The following HS6ST2 variants were observed in gnomAD, a reference collection of about 807,000 sequenced individuals.
The protein encoded by HS6ST2 is heparan-sulfate 6-O-sulfotransferase 2.
In HS6ST2, 17 loss-of-function variants were observed where a neutral mutation model predicts 33.0. The ratio of observed to expected loss-of-function variants is 0.52; its 90% CI spans 0.35 to 0.77. HS6ST2 has a LOEUF of 0.77. HS6ST2 is among the 30% of genes least tolerant of loss of function. The pLI, the probability that HS6ST2 is intolerant of heterozygous loss-of-function variation, is 0.01. For missense variants in HS6ST2, 519 were observed against 551.7 expected (o/e 0.94, Z 0.59); for synonymous variants, 248 against 237.1 (o/e 1.05, Z -0.42).
At chrX:132,805,255 C>G (rs187237640) in intron 2 of HS6ST2, among the ~76,000 whole-genome samples, 2 of 111,732 alleles carry the variant, frequency 1.8e-5, no homozygotes, top group Admixed American at 1.9e-4. Context: ...TCTGGTGGTA[C>G]GCAGAAGTAC....
At position 132,658,317 on chromosome X, in the gene HS6ST2, C is replaced by T. The variant is rs1008337670; in HGVS notation, c.1067+10796G>A. Among the ~76,000 whole-genome samples the T allele has an allele frequency of 6.3e-5, 7 of 111,701 alleles. 1 individual carries two copies. Among genetic ancestry groups the T allele is most frequent in the South Asian group, 3.8e-4 (1 of 2,635 alleles). ...AATAATGCATGCATTTAAAGCACTC[C>T]GAACAGGGCCTGGTGCATAGGAAGC... is the stretch of plus-strand genomic sequence containing the variant. On this transcript the variant is annotated intron_variant, in intron 4 of 4. Coordinates refer to ENST00000370833, the MANE Select transcript of HS6ST2 (RefSeq NM_001394073.1).
intron 2 of HS6ST2, among the ~76,000 whole-genome samples, chrX:132,768,107 C>T (rs1328283546): frequency 9.0e-6 from 1 of 110,535 alleles, no homozygotes; most frequent in Non-Finnish European, 1.9e-5. Flanking sequence ...GAGGCTGAGG[C>T]AGGCAGATCA....
chrX:132,662,528 G>A (rs1299351276), intron 4 of HS6ST2, among the ~76,000 whole-genome samples: 2 of 112,075 alleles, frequency 1.8e-5, no homozygotes, highest in African/African-American at 6.5e-5. Context: ...GCAGCACATT[G>A]CCTCCCTGAT....
intron 2 of HS6ST2, among the ~76,000 whole-genome samples, chrX:132,807,271 C>T: frequency 9.1e-6 from 1 of 110,246 alleles, no homozygotes; most frequent in Non-Finnish European, 1.9e-5. Context: ...ACAGTGGCTC[C>T]AAATAAAAAT....
chrX:132,882,317 G>C (rs1177136927), intron 2 of HS6ST2, among the ~76,000 whole-genome samples: 1 of 110,545 alleles, frequency 9.0e-6, no homozygotes, highest in Non-Finnish European at 1.9e-5. Context: ...GTGGTTTGTA[G>C]TTCTCCTTGA....
At chrX:132,738,622 G>A (rs978592303) in intron 2 of HS6ST2, among the ~76,000 whole-genome samples, 3 of 112,495 alleles carry the variant, frequency 2.7e-5, no homozygotes, top group African/African-American at 9.7e-5. Context: ...GCTATTTTAT[G>A]CCTTATTGAA....
intron 2 of HS6ST2, among the ~76,000 whole-genome samples, chrX:132,756,161 C>T (rs2064754789): frequency 8.9e-6 from 1 of 112,094 alleles, no homozygotes; most frequent in Non-Finnish European, 1.9e-5. Context: ...AAAACATACT[C>T]CAAAATGATC....
chrX:132,659,348 G>C (rs1388372806), intron 4 of HS6ST2, among the ~76,000 whole-genome samples: 1 of 111,568 alleles, frequency 9.0e-6, no homozygotes, highest in Non-Finnish European at 1.9e-5. Flanking sequence ...TTTTGTAATG[G>C]AGTAATAGCT....
rs768791326 is a variant in HS6ST2 at position 132,771,910 on chromosome X, T to A, written c.948-63416A>T. Among the ~76,000 whole-genome samples, 4 of 112,099 alleles carry A rather than the reference T, an allele frequency of 3.6e-5. No homozygotes were observed. The East Asian group carries it at 1.1e-3, about 31-fold the overall frequency. ...CATTTTGATCTCCTCTTTGATGTGA[T>A]GTATCAATCAATTTTCTTTTCTCCT... is the stretch of plus-strand genomic sequence containing the variant. On this transcript the variant is annotated intron_variant, in intron 2 of 4. Coordinates refer to ENST00000370833, the MANE Select transcript of HS6ST2 (RefSeq NM_001394073.1).
At chrX:132,821,297 C>T (rs1010334583) in intron 2 of HS6ST2, among the ~76,000 whole-genome samples, 23 of 103,943 alleles carry the variant, frequency 2.2e-4, no homozygotes, top group Non-Finnish European at 3.9e-4. Context: ...ACTGCAAGTT[C>T]CACCTCCCGG....
chrX:132,839,335 T>C (rs5977767), intron 2 of HS6ST2, among the ~76,000 whole-genome samples: 1 of 97,100 alleles, frequency 1.0e-5, no homozygotes, highest in Non-Finnish European at 2.0e-5. Flanking sequence ...TGTATGTATA[T>C]ACACACACAC....
chrX:132,896,298 G>A (rs2066374850), intron 2 of HS6ST2, among the ~76,000 whole-genome samples: 2 of 110,282 alleles, frequency 1.8e-5, no homozygotes, highest in Admixed American at 9.7e-5. Context: ...GTAAAACCTC[G>A]TCTCTACTAA....
intron 3 of HS6ST2, among the ~76,000 whole-genome samples, chrX:132,670,585 G>C (rs1042878572): frequency 3.6e-5 from 4 of 111,689 alleles, no homozygotes; most frequent in African/African-American, 1.3e-4. Context: ...GGATCACGAG[G>C]TCAGGAGTTC....
intron 2 of HS6ST2, among the ~76,000 whole-genome samples, chrX:132,874,481 C>G (rs1256384049): frequency 2.7e-5 from 3 of 111,605 alleles, no homozygotes; most frequent in Non-Finnish European, 5.6e-5. Flanking sequence ...GAGGCTGAGG[C>G]AGGAGAATTG....
intron 4 of HS6ST2, among the ~76,000 whole-genome samples, chrX:132,644,397 C>T (rs1326829755): frequency 1.8e-5 from 2 of 111,093 alleles, no homozygotes; most frequent in Non-Finnish European, 3.8e-5. Context: ...CATTTTGCAG[C>T]TAAGGAAACT....
intron 2 of HS6ST2, among the ~76,000 whole-genome samples, chrX:132,876,145 C>G (rs913571228): frequency 8.9e-6 from 1 of 111,802 alleles, no homozygotes; most frequent in Non-Finnish European, 1.9e-5. Flanking sequence ...GTGTAATCCT[C>G]TGAGCACCCC....
chrX:132,941,999 C>A (rs1251693218), intron 2 of HS6ST2, among the ~76,000 whole-genome samples: 1 of 111,433 alleles, frequency 9.0e-6, no homozygotes, highest in Non-Finnish European at 1.9e-5. Flanking sequence ...TACATAAAAT[C>A]ATGTTTACAT....
At position 132,796,046 on chromosome X, in the gene HS6ST2, A is replaced by G. The variant is rs549641423; in HGVS notation, c.948-87552T>C. Among the ~76,000 whole-genome samples the G allele has an allele frequency of 5.4e-5, 6 of 112,119 alleles. No individual in the cohort carries two copies. In the South Asian group the frequency reaches 2.3e-3, roughly 42 times the overall value. On this transcript the variant is annotated intron_variant, in intron 2 of 4. Transcript: ENST00000370833. ...ACCTCACAGGATACATGTGAGGATGATATGAGATGATGCTGGTAGCATAGG... is the reference window on the plus strand; with the variant it reads ...ACCTCACAGGATACATGTGAGGATGGTATGAGATGATGCTGGTAGCATAGG...
At chrX:132,954,150 G>A (rs1322325019) in intron 2 of HS6ST2, among the ~76,000 whole-genome samples, 2 of 112,135 alleles carry the variant, frequency 1.8e-5, no homozygotes, top group East Asian at 2.8e-4. Context: ...GGATATGAAC[G>A]CTTATCATAA....
Sources: gnomAD v4.1 joint callset for allele counts (sites outside exome capture counted in the v4.1 genomes callset) on GRCh38, gnomAD v4.1.1 for gene constraint, MANE v1.5 for transcripts, NCBI Gene and HGNC (gene_info 2026-07-23, HGNC 2026-07-21) for gene names.